The following TMCC2 variants were observed in gnomAD, a reference collection of about 807,000 sequenced individuals.
TMCC2 encodes transmembrane and coiled-coil domain family 2.
Under a neutral mutation model 49.4 loss-of-function variants are expected in TMCC2, and 16 were observed. The observed-to-expected ratio is 0.32, with a 90% confidence interval of 0.22 to 0.49. The LOEUF (loss-of-function observed/expected upper bound fraction) is 0.49. TMCC2 is among the 20% of genes least tolerant of loss of function. The pLI is 0.99. For synonymous variants in TMCC2, 397 were observed against 434.1 expected (o/e 0.91, Z 1.06); for missense variants, 762 against 989.8 (o/e 0.77, Z 3.09).
chr1:205,235,011 A>C (rs77381974), intron 1 of TMCC2, among the ~76,000 whole-genome samples: 1 of 152,126 alleles, frequency 6.6e-6, no homozygotes, highest in African/African-American at 2.4e-5. Flanking sequence ...ACAAGAGAAG[A>C]GGGGCTTTCT....
intron 2 of TMCC2, among the ~76,000 whole-genome samples, chr1:205,254,935 G>T (rs552013393): frequency 6.6e-6 from 1 of 152,310 alleles, no homozygotes; most frequent in South Asian, 2.1e-4. Flanking sequence ...GCTTGGGCTG[G>T]GCATGGTGGC....
chr1:205,229,778 G>A (rs1659719050), intron 1 of TMCC2: 1 of 985,470 alleles, frequency 1.0e-6, no homozygotes, highest in Non-Finnish European at 1.2e-6. Context: ...CTGTTCACAT[G>A]GAGCTGTTTA....
intron 4 of TMCC2, 63 bp from the exon 5 acceptor site, chr1:205,271,750 G>A (rs1325145751): frequency 1.3e-6 from 2 of 1,558,788 alleles, no homozygotes; most frequent in Admixed American, 3.5e-5. Flanking sequence ...GGGTAGGTAG[G>A]TTTTCAGCCT....
Position 205,247,760 on chromosome 1 carries a change from C to T in TMCC2, c.747+5716C>T, listed in dbSNP as rs2122831. On this transcript the variant is annotated intron_variant, in intron 2 of 4. Transcript: ENST00000358024. ...TTTAATTCATAAGCCTCCCCCACTCCCCCACACCCCCTGCCATTGTTTAGA... is the reference window on the plus strand; with the variant it reads ...TTTAATTCATAAGCCTCCCCCACTCTCCCACACCCCCTGCCATTGTTTAGA... Among the ~76,000 whole-genome samples, 183 of 152,154 alleles carry T rather than the reference C, an allele frequency of 1.2e-3. 2 individuals carry two copies. The highest frequency in any genetic ancestry group is 4.2e-3 in the African/African-American group (173 of 41,540).
At chr1:205,248,825 C>T (rs963603847) in intron 2 of TMCC2, among the ~76,000 whole-genome samples, 1 of 152,084 alleles carries the variant, frequency 6.6e-6, no homozygotes, top group Non-Finnish European at 1.5e-5. Context: ...CCCTTCTCTC[C>T]TTGTTCAGAA....
At chr1:205,244,726 G>A (rs148722274) in intron 2 of TMCC2, among the ~76,000 whole-genome samples, 48 of 152,296 alleles carry the variant, frequency 3.2e-4, no homozygotes, top group African/African-American at 1.1e-3. Context: ...TGACAAAGGA[G>A]TTGGGGGTTT....
At chr1:205,253,391 T>A (rs1233957067) in intron 2 of TMCC2, among the ~76,000 whole-genome samples, 1 of 152,142 alleles carries the variant, frequency 6.6e-6, no homozygotes, top group Non-Finnish European at 1.5e-5. Flanking sequence ...GGACCTGGGC[T>A]TCCTTCCAGT....
At chr1:205,257,320 C>T (rs374375905) in intron 2 of TMCC2, 16 of 1,232,182 alleles carry the variant, frequency 1.3e-5, no homozygotes, top group African/African-American at 1.6e-5. Context: ...CTCAGAGCCC[C>T]GGGTACCTCA....
At chr1:205,250,875 C>A (rs554683920) in intron 2 of TMCC2, among the ~76,000 whole-genome samples, 1 of 152,142 alleles carries the variant, frequency 6.6e-6, no homozygotes, top group Non-Finnish European at 1.5e-5. Context: ...TGTCTGTCAT[C>A]GGGTTCCAGA....
At chr1:205,261,130 G>A (rs1574859888) in intron 2 of TMCC2, among the ~76,000 whole-genome samples, 2 of 148,804 alleles carry the variant, frequency 1.3e-5, no homozygotes, top group South Asian at 2.1e-4. Flanking sequence ...CAGCTGTGCT[G>A]TTTTATGTTT....
chr1:205,236,679 G>A (rs903072867), intron 1 of TMCC2: 6 of 152,224 alleles, frequency 3.9e-5, no homozygotes, highest in African/African-American at 1.4e-4. Context: ...GATGTCACAA[G>A]GCAGTACACG....
chr1:205,239,097 GTCTT>G, intron 1 of TMCC2, among the ~76,000 whole-genome samples: 1 of 152,292 alleles, frequency 6.6e-6, no homozygotes, highest in Non-Finnish European at 1.5e-5. Context: ...CTCTGCTGAA[GTCTT>G]TAGAAGGGAA....
chr1:205,257,519 G>A (rs771871785), intron 2 of TMCC2, among the ~76,000 whole-genome samples: 1 of 152,258 alleles, frequency 6.6e-6, no homozygotes, highest in Non-Finnish European at 1.5e-5. Context: ...ACTGTTTGTG[G>A]GTGGGAGAAG....
chr1:205,261,355 C>T lies in TMCC2; in HGVS notation c.748-7595C>T, dbSNP rs558497799. 8.0e-5 allele frequency among the ~76,000 whole-genome samples: 12 copies of T among 149,586 alleles called. 1 individual carries two copies. The highest frequency in any genetic ancestry group is 2.9e-4 in the African/African-American group (12 of 41,368). On this transcript the variant is annotated intron_variant, in intron 2 of 4. Coordinates refer to ENST00000358024, the MANE Select transcript of TMCC2 (RefSeq NM_014858.4). ...GAGTAGCTGGGACTACAGGCATGCA[C>T]CACCACACCTGGCTGTTTTTTTATT...
At position 205,264,867 on chromosome 1, in the gene TMCC2, A is replaced by G. The variant is rs1214948277; in HGVS notation, c.748-4083A>G. Among the ~76,000 whole-genome samples the G allele has an allele frequency of 6.6e-6, 1 of 152,242 alleles. No individual in the cohort carries two copies. Among genetic ancestry groups the G allele is most frequent in the Non-Finnish European group, 1.5e-5 (1 of 68,046 alleles). ...ATCCATGGATGTGGAATTCTCAGAT[A>G]CAGAAGGCTAACTATAATTGTTATC... On this transcript the variant is annotated intron_variant, in intron 2 of 4. Transcript: ENST00000358024. This position sits in a 1 kb window ranked among gnomAD's most constrained non-coding sequence, Gnocchi z 4.2.
intron 2 of TMCC2, among the ~76,000 whole-genome samples, chr1:205,248,720 CT>C (rs774032761): frequency 1.9e-3 from 270 of 144,866 alleles, no homozygotes; most frequent in Non-Finnish European, 1.7e-3. Flanking sequence ...TCTCCCTCTT[CT>C]TTTTTTTTTT....
intron 1 of TMCC2, among the ~76,000 whole-genome samples, chr1:205,230,973 G>A (rs1483759542): frequency 6.9e-5 from 3 of 43,650 alleles, no homozygotes; most frequent in Non-Finnish European, 1.1e-4. Flanking sequence ...CTTACCCCGC[G>A]CCCCCATCCA....
intron 1 of TMCC2, among the ~76,000 whole-genome samples, chr1:205,231,978 A>G (rs1331141277): frequency 6.6e-6 from 1 of 152,122 alleles, no homozygotes. Context: ...TGTGTAAAGC[A>G]CCTCCGTAGA....
chr1:205,259,701 G>A (rs1161909376), intron 2 of TMCC2, among the ~76,000 whole-genome samples: 1 of 152,206 alleles, frequency 6.6e-6, no homozygotes, highest in Non-Finnish European at 1.5e-5. Flanking sequence ...CCTGGGAGGA[G>A]GTGGAAACCC....
Sources: allele counts gnomAD v4.1 joint callset (sites outside exome capture counted in the v4.1 genomes callset), GRCh38; gene constraint gnomAD v4.1.1; non-coding constraint Gnocchi (gnomAD v3.1); transcripts MANE v1.5; gene names NCBI Gene and HGNC (gene_info 2026-07-23, HGNC 2026-07-21).